The following CNOT2 variants were observed in gnomAD, a reference collection of about 807,000 sequenced individuals.
The protein encoded by CNOT2 is CC chemokine receptor 4-negative regulator of transcription 2.
A neutral mutation model predicts 72.1 loss-of-function variants in CNOT2; 7 were observed. That is an observed-to-expected ratio of 0.10 (90% CI 0.06 to 0.18). The LOEUF (loss-of-function observed/expected upper bound fraction) is 0.18. Among genes scored for constraint, CNOT2 ranks in the 10% least tolerant of loss-of-function variants. The probability of loss-of-function intolerance (pLI) is 1.00; values close to 1 mark genes in which losing one functional copy is unlikely to be tolerated. For synonymous variants in CNOT2, 196 were observed against 225.6 expected (o/e 0.87, Z 1.17); for missense variants, 345 against 660.3 (o/e 0.52, Z 5.23).
chr12:70,301,466 C>T (rs1454080350), intron 2 of CNOT2, among the ~76,000 whole-genome samples: 3 of 138,288 alleles, frequency 2.2e-5, no homozygotes, highest in Non-Finnish European at 4.6e-5. Flanking sequence ...TTTTCTGCAT[C>T]TATTGAGATA....
intron 2 of CNOT2, chr12:70,294,009 G>A: frequency 1.5e-6 from 1 of 668,988 alleles, no homozygotes; most frequent in Non-Finnish European, 2.4e-6. Flanking sequence ...GGTGAACAGG[G>A]AGTCATAATG....
intron 3 of CNOT2, among the ~76,000 whole-genome samples, chr12:70,315,053 G>A (rs368694691): frequency 1.8e-4 from 27 of 151,962 alleles, no homozygotes; most frequent in South Asian, 2.1e-4. Context: ...TAGTAGAAAC[G>A]GGGTTTCTCC....
intron 1 of CNOT2, among the ~76,000 whole-genome samples, chr12:70,260,111 T>C (rs1263853597): frequency 6.6e-6 from 1 of 152,206 alleles, no homozygotes. Context: ...TCTGTTCTTT[T>C]TCGAGATTGT....
chr12:70,257,033 A>T (rs1593043558), intron 1 of CNOT2, among the ~76,000 whole-genome samples: 4 of 150,178 alleles, frequency 2.7e-5, no homozygotes, highest in African/African-American at 9.8e-5. Flanking sequence ...TGAACATTTT[A>T]TTTTTTTTTT....
intron 15 of CNOT2, among the ~76,000 whole-genome samples, chr12:70,351,680 T>C (rs79561604): frequency 0.088 from 13,327 of 152,260 alleles, 751 homozygotes; most frequent in Middle Eastern, 0.17. Context: ...CTTACCACTT[T>C]GTGGAAGTTA....
At chr12:70,256,750 T>G (rs2135720238) in intron 1 of CNOT2, among the ~76,000 whole-genome samples, 1 of 152,262 alleles carries the variant, frequency 6.6e-6, no homozygotes, top group South Asian at 2.1e-4. Flanking sequence ...GTTTGTAAGC[T>G]CTACAGTCTC....
intron 1 of CNOT2, among the ~76,000 whole-genome samples, chr12:70,266,632 G>A (rs545712645): frequency 3.2e-4 from 49 of 152,224 alleles, no homozygotes; most frequent in African/African-American, 1.1e-3. Context: ...TTGTAAGTGC[G>A]TACACATTTA....
intron 2 of CNOT2, chr12:70,294,376 A>G (rs1185500919): frequency 1.0e-5 from 9 of 879,834 alleles, no homozygotes; most frequent in South Asian, 7.2e-5. Flanking sequence ...CATTTTATCA[A>G]TGAGTCATTT....
chr12:70,352,065 A>G (rs1882939344), intron 15 of CNOT2, among the ~76,000 whole-genome samples: 1 of 151,982 alleles, frequency 6.6e-6, no homozygotes, highest in Admixed American at 6.5e-5. Context: ...ACCTTATACC[A>G]AGAGAGAAGG....
In CNOT2 at chr12:70,319,347, G is replaced by C. The variant is rs374869537; in HGVS notation, c.221G>C (p.Ser74Thr). The change falls in exon 4 of 16, where the codon AGT becomes ACT. Residue 74 changes from serine to threonine, a missense_variant. By Grantham distance (58) the Ser-to-Thr change is moderately conservative. This residue lies in a region of CNOT2 where 157 missense variants were observed against 235.3 expected (regional missense o/e 0.67). Transcript: ENST00000229195. ...GGTCAGCTGTCTCAGTTTGGGGCAA[G>C]TTTATACGGGCAACAAAGTAAGAAT... is the stretch of plus-strand genomic sequence containing the variant. ...TSGQLSQFGA[S>T]LYGQQSALGL... 3 of 1,610,628 alleles carry C rather than the reference G, an allele frequency of 1.9e-6. No individual in the cohort carries two copies. The highest frequency in any genetic ancestry group is 2.5e-6 in the Non-Finnish European group (3 of 1,177,596).
intron 4 of CNOT2, chr12:70,323,477 C>T (rs1392885825): frequency 4.0e-5 from 6 of 151,622 alleles, no homozygotes; most frequent in South Asian, 4.2e-4. Context: ...CAGGATGGTA[C>T]GGCTGTAGAC....
At chr12:70,342,335 T>G (rs1272016009) in intron 13 of CNOT2, 28 bp downstream of exon 13, 2 of 1,608,518 alleles carry the variant, frequency 1.2e-6, no homozygotes, top group Non-Finnish European at 1.7e-6. Context: ...TTCTACTCAG[T>G]CAGCATGAAT....
intron 7 of CNOT2, among the ~76,000 whole-genome samples, 159 bp downstream of exon 7, chr12:70,333,005 G>A (rs1487360696): frequency 6.6e-6 from 1 of 151,882 alleles, no homozygotes; most frequent in African/African-American, 2.4e-5. Flanking sequence ...TCAATACAGT[G>A]AATAGTTGAG....
intron 1 of CNOT2, among the ~76,000 whole-genome samples, chr12:70,252,952 A>C (rs531853096): frequency 6.6e-6 from 1 of 152,298 alleles, no homozygotes; most frequent in East Asian, 1.9e-4. Flanking sequence ...CATAGAGTGC[A>C]CTATACTCTT....
intron 2 of CNOT2, among the ~76,000 whole-genome samples, chr12:70,302,284 T>G (rs1233306414): frequency 6.6e-6 from 1 of 152,068 alleles, no homozygotes; most frequent in East Asian, 1.9e-4. Context: ...CTCTTGCTTC[T>G]CTAGTTCTTT....
chr12:70,345,003 A>C (rs1198944005), intron 14 of CNOT2: 1 of 152,182 alleles, frequency 6.6e-6, no homozygotes, highest in East Asian at 1.9e-4. Context: ...TGGCCAGTTT[A>C]AACAAATATT....
intron 1 of CNOT2, among the ~76,000 whole-genome samples, chr12:70,260,028 C>G (rs1403913577): frequency 6.6e-6 from 1 of 152,146 alleles, no homozygotes; most frequent in Non-Finnish European, 1.5e-5. Flanking sequence ...GATTGGTATG[C>G]CTATCCTTAT....
chr12:70,248,380 T>C (rs1228250015), intron 1 of CNOT2, among the ~76,000 whole-genome samples: 1 of 152,186 alleles, frequency 6.6e-6, no homozygotes, highest in Non-Finnish European at 1.5e-5. Context: ...TGTTTTGTTT[T>C]GAATAAGCAA....
chr12:70,257,798 T>C (rs1388731848), intron 1 of CNOT2, among the ~76,000 whole-genome samples: 1 of 152,240 alleles, frequency 6.6e-6, no homozygotes, highest in Non-Finnish European at 1.5e-5. Flanking sequence ...AGTTCATTAA[T>C]GTATATTGAA....
Sources: allele counts gnomAD v4.1 joint callset (sites outside exome capture counted in the v4.1 genomes callset), GRCh38; gene constraint gnomAD v4.1.1; regional missense constraint gnomAD v4.1.1; transcripts MANE v1.5; gene names NCBI Gene and HGNC (gene_info 2026-07-23, HGNC 2026-07-21).